Variants in SYT1 observed in about 807,000 individuals in gnomAD.
SYT1 encodes the protein synaptotagmin-1.
SYT1 carries 8 observed loss-of-function variants against 44.8 expected under a neutral mutation model. The ratio of observed to expected loss-of-function variants is 0.18; its 90% CI spans 0.10 to 0.32. The LOEUF is 0.32. Among genes scored for constraint, SYT1 ranks in the 10% least tolerant of loss-of-function variants. The pLI, the probability that SYT1 is intolerant of heterozygous loss-of-function variation, is 1.00. For missense variants in SYT1, 286 were observed against 509.3 expected (o/e 0.56, Z 4.22); for synonymous variants, 154 against 188.8 (o/e 0.82, Z 1.51).
At chr12:79,023,372 T>C (rs557977243) in intron 2 of SYT1, among the ~76,000 whole-genome samples, 36 of 151,934 alleles carry the variant, frequency 2.4e-4, no homozygotes, top group African/African-American at 8.4e-4. Flanking sequence ...AGAGAGACCA[T>C]CTGGAGATCC....
upstream of SYT1, chr12:78,864,607 G>T (rs1037430782): frequency 6.6e-6 from 1 of 152,152 alleles, no homozygotes; most frequent in African/African-American, 2.4e-5. Flanking sequence ...TTGGCTGAAC[G>T]GATCCACCTA....
chr12:79,049,256 C>G (rs1033028960), intron 3 of SYT1, among the ~76,000 whole-genome samples: 4 of 151,784 alleles, frequency 2.6e-5, no homozygotes, highest in Admixed American at 2.6e-4. Context: ...AGGATTTAGC[C>G]TAGCATACCT....
chr12:79,331,726 T>A (rs923043256), intron 8 of SYT1, among the ~76,000 whole-genome samples: 2 of 152,078 alleles, frequency 1.3e-5, no homozygotes, highest in South Asian at 4.1e-4. Flanking sequence ...TAAACATGCT[T>A]TTATGAGATT....
chr12:79,272,903 G>A (rs1878505622), intron 4 of SYT1, among the ~76,000 whole-genome samples: 1 of 152,056 alleles, frequency 6.6e-6, no homozygotes, highest in Non-Finnish European at 1.5e-5. Context: ...ACCACAGACA[G>A]TGTTGTTTGG....
chr12:79,019,981 A>C (rs1872078053), intron 2 of SYT1, among the ~76,000 whole-genome samples: 1 of 151,968 alleles, frequency 6.6e-6, no homozygotes, highest in South Asian at 2.1e-4. Flanking sequence ...CATTTTGAGA[A>C]ACAAAAGTAG....
intron 2 of SYT1, among the ~76,000 whole-genome samples, chr12:79,024,877 C>T (rs1872424936): frequency 6.6e-6 from 1 of 151,666 alleles, no homozygotes; most frequent in African/African-American, 2.4e-5. Flanking sequence ...TTCTTAAAGT[C>T]CTGTTTGTTG....
At chr12:79,246,094 AT>A (rs1876835643) in intron 4 of SYT1, among the ~76,000 whole-genome samples, 1 of 152,154 alleles carries the variant, frequency 6.6e-6, no homozygotes, top group South Asian at 2.1e-4. Context: ...GTTATTAAAG[AT>A]TTTTACTAGT....
At chr12:78,959,679 C>G (rs1014175367) in intron 1 of SYT1, among the ~76,000 whole-genome samples, 14 of 152,134 alleles carry the variant, frequency 9.2e-5, no homozygotes, top group African/African-American at 2.9e-4. Flanking sequence ...GCTGTCAGGG[C>G]TTCTTAAGAA....
At chr12:79,171,543 G>A (rs1592815405) in intron 3 of SYT1, among the ~76,000 whole-genome samples, 1 of 151,920 alleles carries the variant, frequency 6.6e-6, no homozygotes, top group East Asian at 1.9e-4. Flanking sequence ...CATGACTTGT[G>A]TATTATAAAT....
intron 8 of SYT1, among the ~76,000 whole-genome samples, chr12:79,351,695 A>G (rs1344285938): frequency 6.6e-6 from 1 of 152,192 alleles, no homozygotes; most frequent in Non-Finnish European, 1.5e-5. Flanking sequence ...TACTCTGAAG[A>G]GTAATTTATT....
chr12:78,937,981 T>G (rs993780171), intron 1 of SYT1, among the ~76,000 whole-genome samples: 10 of 152,296 alleles, frequency 6.6e-5, no homozygotes, highest in Non-Finnish European at 1.0e-4. Context: ...ATACTGCTAA[T>G]GCAATGCTTA....
At chr12:79,226,190 A>G (rs1245217801) in intron 4 of SYT1, among the ~76,000 whole-genome samples, 4 of 152,186 alleles carry the variant, frequency 2.6e-5, no homozygotes, top group African/African-American at 9.7e-5. Flanking sequence ...TTAAATTTCC[A>G]ACACTTATGA....
In SYT1 at chr12:78,899,210, C is replaced by T. The variant is rs192976448; in HGVS notation, c.-217+34101C>T. ...ACTTTCTTAATAATTGAGATTATTG[C>T]TGAAATCATTATGAATGTTTTTAGT... On this transcript the variant is annotated intron_variant, in intron 1 of 10. Transcript: ENST00000261205. 1.5e-3 allele frequency among the ~76,000 whole-genome samples: 230 copies of T among 152,072 alleles called. 1 individual carries two copies. The highest frequency in any genetic ancestry group is 5.3e-3 in the African/African-American group (219 of 41,514).
chr12:78,941,555 A>G (rs1878378050), intron 1 of SYT1, among the ~76,000 whole-genome samples: 2 of 152,208 alleles, frequency 1.3e-5, no homozygotes, highest in Non-Finnish European at 2.9e-5. Context: ...CTTTTAATCA[A>G]TAGTAACATT....
intron 3 of SYT1, among the ~76,000 whole-genome samples, chr12:79,134,009 C>T (rs1869023689): frequency 6.6e-6 from 1 of 152,028 alleles, no homozygotes; most frequent in African/African-American, 2.4e-5. Context: ...AAGTGCTGGT[C>T]ATGTGGCAAT....
intron 4 of SYT1, among the ~76,000 whole-genome samples, chr12:79,281,161 A>G (rs1879033311): frequency 6.6e-6 from 1 of 152,214 alleles, no homozygotes; most frequent in South Asian, 2.1e-4. Flanking sequence ...TATCTACCCA[A>G]AGAAAAAGAA....
chr12:79,247,144 G>A (rs1196528814), intron 4 of SYT1, among the ~76,000 whole-genome samples: 1 of 152,116 alleles, frequency 6.6e-6, no homozygotes, highest in Admixed American at 6.5e-5. Flanking sequence ...TTAGTGATGA[G>A]TTTATCACCT....
intron 1 of SYT1, among the ~76,000 whole-genome samples, chr12:78,904,489 C>T (rs1336874183): frequency 6.6e-6 from 1 of 152,068 alleles, no homozygotes; most frequent in Non-Finnish European, 1.5e-5. Context: ...CACCAGTTTT[C>T]GAGTATCTCG....
At chr12:78,999,985 T>A (rs1025344863) in intron 2 of SYT1, among the ~76,000 whole-genome samples, 7 of 152,194 alleles carry the variant, frequency 4.6e-5, no homozygotes, top group African/African-American at 1.7e-4. Context: ...CATGGAAATA[T>A]ACAAAATGTT....
Sources: gnomAD v4.1 joint callset for allele counts (sites outside exome capture counted in the v4.1 genomes callset) on GRCh38, gnomAD v4.1.1 for gene constraint, MANE v1.5 for transcripts, NCBI Gene and HGNC (gene_info 2026-07-23, HGNC 2026-07-21) for gene names.